MECR: variants seen among roughly 807,000 people sequenced by gnomAD.
MECR encodes the protein mitochondrial trans-2-enoyl-CoA reductase, also known as enoyl-[acyl-carrier-protein] reductase, mitochondrial.
A neutral mutation model predicts 49.1 loss-of-function variants in MECR; 37 were observed. The ratio of observed to expected loss-of-function variants is 0.75; its 90% CI spans 0.58 to 0.99. MECR has a LOEUF of 0.99. MECR is among the 50% of genes least tolerant of loss of function. The pLI, the probability that MECR is intolerant of heterozygous loss-of-function variation, is 0.00. For synonymous variants in MECR, 198 were observed against 191.1 expected, an observed-to-expected ratio of 1.04 and a Z score of -0.30; for missense variants, 470 against 479.6, an observed-to-expected ratio of 0.98 and a Z score of 0.19.
chr1:29,176,703 A>T, the MECR span, among the ~76,000 whole-genome samples: 1 of 152,070 alleles, frequency 6.6e-6, no homozygotes, highest in African/African-American at 2.4e-5. Context: ...CACAACAACG[A>T]CCTGCCTCAC....
chr1:29,199,039 G>A (rs1674686139), intron 7 of MECR, among the ~76,000 whole-genome samples: 1 of 152,204 alleles, frequency 6.6e-6, no homozygotes, highest in South Asian at 2.1e-4. Context: ...TCACCACAGT[G>A]CTCTGGCCAC....
Position 29,193,995 on chromosome 1 carries a change from C to T in MECR, c.*27G>A. 1 of 1,613,494 alleles carries T rather than the reference C, an allele frequency of 6.2e-7. No individual in the cohort carries two copies. The highest frequency in any genetic ancestry group is 1.1e-5 in the South Asian group (1 of 91,058). ...AGCCCCTCAGATCCGCCTCCCCTCC[C>T]ATGTCACTCCAGCTCTTTTGGGATG... On this transcript the variant is annotated 3_prime_UTR_variant, in exon 10 of 10. Coordinates refer to ENST00000263702, the MANE Select transcript of MECR (RefSeq NM_016011.5).
At chr1:29,170,546 G>C in the MECR span, 2 of 152,128 alleles carry the variant, frequency 1.3e-5, no homozygotes, top group Admixed American at 6.5e-5. Flanking sequence ...CCCTGGGCTG[G>C]AGTCTGTTTC....
the MECR span, among the ~76,000 whole-genome samples, chr1:29,174,924 G>C: frequency 6.6e-6 from 1 of 150,884 alleles, no homozygotes; most frequent in South Asian, 2.1e-4. Context: ...TGCCAGCCTT[G>C]GCCTCCCAAA....
intron 1 of MECR, chr1:29,223,168 G>A (rs931012642): frequency 6.1e-6 from 6 of 985,262 alleles, no homozygotes; most frequent in Admixed American, 6.1e-5. Flanking sequence ...ATGTAATGGC[G>A]CCATGCAACT....
intron 1 of MECR, among the ~76,000 whole-genome samples, chr1:29,229,596 G>T (rs1176540868): frequency 6.6e-6 from 1 of 152,224 alleles, no homozygotes; most frequent in Non-Finnish European, 1.5e-5. Context: ...GAGTTAAAAA[G>T]AAGGTACTGC....
At chr1:29,228,507 A>G (rs999747110) in intron 1 of MECR, among the ~76,000 whole-genome samples, 1 of 151,986 alleles carries the variant, frequency 6.6e-6, no homozygotes, top group African/African-American at 2.4e-5. Flanking sequence ...TTGCACCCCC[A>G]TGCCCAGCTA....
intron 6 of MECR, among the ~76,000 whole-genome samples, chr1:29,200,985 G>A (rs1312397481): frequency 6.6e-6 from 1 of 152,096 alleles, no homozygotes; most frequent in African/African-American, 2.4e-5. Context: ...TGTAGAGACA[G>A]AGGTCTCACT....
chr1:29,178,057 A>G, the MECR span, among the ~76,000 whole-genome samples: 1 of 150,730 alleles, frequency 6.6e-6, no homozygotes, highest in East Asian at 2.0e-4. Context: ...CCACCACCAC[A>G]CCCAGCTAAT....
At chr1:29,230,158 T>G (rs1353346903) in intron 1 of MECR, among the ~76,000 whole-genome samples, 1 of 152,240 alleles carries the variant, frequency 6.6e-6, no homozygotes, top group Non-Finnish European at 1.5e-5. Context: ...CCTGTTCCAA[T>G]CACTTATTAG....
At chr1:29,227,640 G>A (rs1455869911) in intron 1 of MECR, among the ~76,000 whole-genome samples, 3 of 152,234 alleles carry the variant, frequency 2.0e-5, no homozygotes, top group East Asian at 3.9e-4. Context: ...GGCCCACAGC[G>A]CAAGCATCAC....
chr1:29,216,619 A>T lies in MECR; in HGVS notation c.243T>A (p.Pro81=), dbSNP rs760721012. Residue 81 remains proline, a synonymous_variant, in exon 2 of 10, where the codon CCT becomes CCA. Transcript: ENST00000263702. ...TCATATTTATGTCAGATGGATTGAT[A>T]GGGGCCGCCAGCATCTTCACACGGA... ...SDVRVKMLAA[P]INPSDINMIQ... 3.1e-6 allele frequency: 5 copies of T among 1,614,232 alleles called. No homozygotes were observed. The highest frequency in any genetic ancestry group is 3.4e-6 in the Non-Finnish European group (4 of 1,180,036).
chr1:29,174,910 G>A, the MECR span, among the ~76,000 whole-genome samples: 1 of 150,800 alleles, frequency 6.6e-6, no homozygotes, highest in Admixed American at 6.6e-5. Flanking sequence ...TTGACCTTGT[G>A]ATCTGCCAGC....
the MECR span, among the ~76,000 whole-genome samples, chr1:29,176,111 G>C: frequency 4.4e-4 from 67 of 152,142 alleles, no homozygotes; most frequent in Admixed American, 3.1e-3. Flanking sequence ...AATTAGCCGG[G>C]CGTGGTGGCA....
chr1:29,175,546 T>C, the MECR span, among the ~76,000 whole-genome samples: 2 of 149,406 alleles, frequency 1.3e-5, no homozygotes, highest in East Asian at 3.9e-4. Flanking sequence ...ATACAAAAAA[T>C]TAGCCGGGAG....
chr1:29,200,657 A>G, intron 6 of MECR, 68 bp from the exon 7 acceptor site: 1 of 1,393,552 alleles, frequency 7.2e-7, no homozygotes, highest in Non-Finnish European at 1.0e-6. Flanking sequence ...AGCTTGCCCA[A>G]GTGCTGTGTT....
intron 1 of MECR, among the ~76,000 whole-genome samples, chr1:29,227,570 T>C (rs878989580): frequency 6.6e-6 from 1 of 152,202 alleles, no homozygotes; most frequent in African/African-American, 2.4e-5. Context: ...AGGCCTCCTT[T>C]TGAGGATTCA....
At chr1:29,186,828 C>G in the MECR span, among the ~76,000 whole-genome samples, 3 of 152,200 alleles carry the variant, frequency 2.0e-5, no homozygotes, top group Non-Finnish European at 2.9e-5. Context: ...GCTTCTAGTG[C>G]CAGCTCTGCT....
chr1:29,223,657 T>C (rs1252625349), intron 1 of MECR: 4 of 152,290 alleles, frequency 2.6e-5, no homozygotes, highest in African/African-American at 9.6e-5. Context: ...CTGACCCTCC[T>C]GTGGTCCTCC....
Sources: gnomAD v4.1 joint callset for allele counts (sites outside exome capture counted in the v4.1 genomes callset) on GRCh38, gnomAD v4.1.1 for gene constraint, MANE v1.5 for transcripts, NCBI Gene and HGNC (gene_info 2026-07-23, HGNC 2026-07-21) for gene names.